Variants in HSPA9 observed in about 807,000 individuals in gnomAD.
The protein encoded by HSPA9 is stress-70 protein, mitochondrial.
In HSPA9, 28 loss-of-function variants were observed where a neutral mutation model predicts 81.5. That is an observed-to-expected ratio of 0.34 (90% CI 0.25 to 0.47). The LOEUF (loss-of-function observed/expected upper bound fraction) is 0.47. Ranked by LOEUF, HSPA9 falls within the 20% of genes least tolerant of loss-of-function variation. The pLI is 1.00. For synonymous variants in HSPA9, 293 were observed against 290.4 expected (o/e 1.01, Z -0.09); for missense variants, 678 against 838.0 (o/e 0.81, Z 2.36).
At chr5:138,559,747 A>C (rs1750611787) in intron 11 of HSPA9, 117 bp downstream of exon 11, 2 of 755,510 alleles carry the variant, frequency 2.6e-6, no homozygotes, top group East Asian at 2.7e-5. Flanking sequence ...TTAATATTCT[A>C]AACTGTAAAA....
chr5:138,575,240 G>T lies in HSPA9; in HGVS notation c.79C>A (p.Gln27Lys), dbSNP rs1180462731. The T allele has an allele frequency of 1.9e-6, 3 of 1,599,984 alleles. No homozygotes were observed. Among genetic ancestry groups the T allele is most frequent in the Admixed American group, 1.7e-5 (1 of 58,096 alleles). The change falls in exon 1 of 17, where the codon CAG becomes AAG. Residue 27 changes from glutamine to lysine, a missense_variant and splice_region_variant. Transcript: ENST00000297185. ...TCGGGAAGGTCCCAGTTCCTCACCT[G>T]GTGGCGGGCGGCCGTAGGGCCCCGG... ...ASRGPTAARH[Q>K]DSWNGLSHEA...
chr5:138,565,739 G>T (rs912575677), intron 9 of HSPA9, among the ~76,000 whole-genome samples: 20 of 152,084 alleles, frequency 1.3e-4, no homozygotes, highest in African/African-American at 4.3e-4. Context: ...TTTTGACACA[G>T]GGTCTCATTT....
chr5:138,565,154 C>T (rs1183267178), intron 9 of HSPA9, among the ~76,000 whole-genome samples: 1 of 152,170 alleles, frequency 6.6e-6, no homozygotes, highest in African/African-American at 2.4e-5. Context: ...CAATAGGATG[C>T]AGCCACACTA....
intron 3 of HSPA9, 125 bp from the exon 4 acceptor site, chr5:138,571,266 C>T (rs535686996): frequency 1.2e-4 from 107 of 924,528 alleles, no homozygotes; most frequent in Admixed American, 3.0e-4. Context: ...CTGCAACCTC[C>T]GCATCCTGGG....
At chr5:138,573,639 T>G (rs1391703070) in intron 3 of HSPA9, 124 bp downstream of exon 3, 2 of 444,300 alleles carry the variant, frequency 4.5e-6, no homozygotes, top group African/African-American at 5.2e-5. Flanking sequence ...AGAGACTGTC[T>G]CCAAAAAAAA....
chr5:138,560,114 C>A (rs1057256933), intron 10 of HSPA9, 23 bp from the exon 11 acceptor site: 2 of 1,586,668 alleles, frequency 1.3e-6, no homozygotes, highest in Admixed American at 1.7e-5. Flanking sequence ...GAAAAAGAAC[C>A]TGTCGGCCCA....
At position 138,571,091 on chromosome 5, in the gene HSPA9, A is replaced by G; in HGVS notation, c.279T>C (p.Phe93=). 1.2e-6 allele frequency: 2 copies of G among 1,614,162 alleles called. No individual in the cohort carries two copies. Among genetic ancestry groups the G allele is most frequent in the Non-Finnish European group, 1.7e-6 (2 of 1,180,044 alleles). ...GARTTPSVVA[F]TADGERLVGM... ...CAACAAGTCGCTCACCATCTGCTGT[A>G]AAGGCCACAACTGAAGGGGTGGTTC... The change falls in exon 4 of 17, where the codon TTT becomes TTC. Residue 93 remains phenylalanine, a synonymous_variant. Coordinates refer to ENST00000297185, the MANE Select transcript of HSPA9 (RefSeq NM_004134.7).
At chr5:138,556,645 C>G in intron 15 of HSPA9, 53 bp from the exon 16 acceptor site, 1 of 1,593,520 alleles carries the variant, frequency 6.3e-7, no homozygotes, top group Non-Finnish European at 8.6e-7. Flanking sequence ...TGTACCATTA[C>G]AAGTAGAAGT....
At chr5:138,558,246 C>T (rs1488692777) in intron 12 of HSPA9, among the ~76,000 whole-genome samples, 1 of 152,170 alleles carries the variant, frequency 6.6e-6, no homozygotes, top group East Asian at 1.9e-4. Flanking sequence ...TGACAGATAG[C>T]AAATCTCCTA....
At position 138,557,996 on chromosome 5, in the gene HSPA9, A is replaced by G; in HGVS notation, c.1516-10T>C. The G allele has an allele frequency of 6.4e-7, 1 of 1,552,530 alleles. No homozygotes were observed. The highest frequency in any genetic ancestry group is 8.9e-7 in the Non-Finnish European group (1 of 1,124,482). On this transcript the variant is annotated splice_polypyrimidine_tract_variant and intron_variant, in intron 12 of 16. Coordinates refer to ENST00000297185, the MANE Select transcript of HSPA9 (RefSeq NM_004134.7). Reference sequence around the variant, plus strand: ...CTGGTGGAATTCCAATCTAAAATAAATAATATCCAGAGTAAGGTCCTCTTA... The same window carrying G: ...CTGGTGGAATTCCAATCTAAAATAAGTAATATCCAGAGTAAGGTCCTCTTA...
chr5:138,566,320 G>A (rs1323988528), intron 9 of HSPA9, among the ~76,000 whole-genome samples: 1 of 151,784 alleles, frequency 6.6e-6, no homozygotes. Flanking sequence ...CACTGCCAGA[G>A]CAGGTTTTAA....
Position 138,570,979 on chromosome 5 carries a change from G to C in HSPA9, c.391C>G (p.Pro131Ala). The change falls in exon 4 of 17, where the codon CCT (proline) becomes GCT (alanine). Residue 131 changes from proline to alanine, a missense_variant. Pro to Ala is a conservative substitution (Grantham distance 27). This residue lies in a region of HSPA9 where 484 missense variants were observed against 647.5 expected (regional missense o/e 0.75). Transcript: ENST00000297185. The stretch of plus-strand genomic sequence containing the variant: ...ACTCACATGTCTTTCTGTACTTCAG[G>C]ATCATCATATCGCCGGCCAATGAGA... ...KRLIGRRYDD[P>A]EVQKDIKNVP... The C allele has an allele frequency of 6.2e-7, 1 of 1,614,096 alleles. No individual in the cohort carries two copies. Among genetic ancestry groups the C allele is most frequent in the Non-Finnish European group, 8.5e-7 (1 of 1,180,024 alleles).
At chr5:138,557,784 C>T in intron 13 of HSPA9, 85 bp downstream of exon 13, 4 of 854,336 alleles carry the variant, frequency 4.7e-6, no homozygotes. Context: ...AACTGAGGGG[C>T]AAAGAGGACT....
intron 10 of HSPA9, chr5:138,560,750 G>A (rs543628281): frequency 7.1e-5 from 23 of 325,226 alleles, no homozygotes; most frequent in Admixed American, 3.8e-4. Flanking sequence ...GGGTTTCACC[G>A]TGTTAGCCAG....
chr5:138,558,204 T>C (rs1430542930), intron 12 of HSPA9, among the ~76,000 whole-genome samples: 1 of 152,180 alleles, frequency 6.6e-6, no homozygotes, highest in Non-Finnish European at 1.5e-5. Flanking sequence ...CAAGTAACCA[T>C]AATGGCTGTA....
chr5:138,556,412 C>G lies in HSPA9; in HGVS notation c.1962+40G>C, dbSNP rs143305374. 7.7e-5 allele frequency: 124 copies of G among 1,607,492 alleles called. No individual in the cohort carries two copies. In the African/African-American group the frequency reaches 1.5e-3, roughly 19 times the overall value. ...GACAGTCATCAAGAACAGTTCCATC[C>G]AGATCAAGTTAGAATCAAAATCCAC... is the stretch of plus-strand genomic sequence containing the variant. On this transcript the variant is annotated intron_variant, in intron 16 of 16. Transcript: ENST00000297185.
In HSPA9 at chr5:138,558,997, T is replaced by A. The variant is rs575419721; in HGVS notation, c.1411-340A>T. The A allele has an allele frequency of 1.6e-3, 472 of 288,274 alleles. 2 individuals are homozygous for A. The highest frequency in any genetic ancestry group is 2.7e-3 in the Non-Finnish European group (391 of 146,376). The allele number at this position is 288,274 out of a possible 1,614,324, so 17.9% of individuals were successfully genotyped here. A position where few individuals can be genotyped will look rare whatever the true frequency, so the allele number is the denominator to read the frequency against. On this transcript the variant is annotated intron_variant, in intron 11 of 16. Coordinates refer to ENST00000297185, the MANE Select transcript of HSPA9 (RefSeq NM_004134.7). ...TGCTCAGTCACAGAAAGTCACCACA[T>A]ACTTTTCTTCAGAGTGATGTGTTGA...
chr5:138,567,764 A>G, intron 5 of HSPA9, 42 bp from the exon 6 acceptor site: 1 of 1,430,512 alleles, frequency 7.0e-7, no homozygotes, highest in South Asian at 1.2e-5. Context: ...CTGTCAGAAC[A>G]GAATTATTAA....
At chr5:138,560,182 G>T in intron 10 of HSPA9, 91 bp from the exon 11 acceptor site, 1 of 869,926 alleles carries the variant, frequency 1.1e-6, no homozygotes, top group Non-Finnish European at 1.9e-6. Context: ...CTCCCAGCCA[G>T]ATCTCAAGAC....
Sources: gnomAD v4.1 joint callset for allele counts (sites outside exome capture counted in the v4.1 genomes callset) on GRCh38, gnomAD v4.1.1 for gene constraint, gnomAD v4.1.1 regional missense constraint, MANE v1.5 for transcripts, NCBI Gene and HGNC (gene_info 2026-07-23, HGNC 2026-07-21) for gene names.